CHODL: variants seen among roughly 807,000 people sequenced by gnomAD.
CHODL encodes the protein chondrolectin.
Under a neutral mutation model 34.5 loss-of-function variants are expected in CHODL, and 29 were observed. The ratio of observed to expected loss-of-function variants is 0.84; its 90% CI spans 0.63 to 1.15. CHODL has a LOEUF of 1.15. Ranked by LOEUF, CHODL falls within the 50% of genes most tolerant of loss-of-function variation. The pLI, the probability that CHODL is intolerant of heterozygous loss-of-function variation, is 0.00. For missense variants in CHODL, 332 were observed against 332.5 expected, an observed-to-expected ratio of 1.00 and a Z score of 0.01; for synonymous variants, 125 against 116.1, an observed-to-expected ratio of 1.08 and a Z score of -0.49.
chr21:18,019,984 G>A (rs73892829), intron 1 of CHODL, among the ~76,000 whole-genome samples: 4,093 of 152,120 alleles, frequency 0.027, 95 homozygotes, highest in Middle Eastern at 0.048. Flanking sequence ...CCCAAACTCC[G>A]TGAGTCCAGG....
chr21:18,194,145 C>G (rs1472145834), intron 2 of CHODL, among the ~76,000 whole-genome samples: 1 of 152,176 alleles, frequency 6.6e-6, no homozygotes, highest in Non-Finnish European at 1.5e-5. Context: ...TTCACTGTTT[C>G]CTTCTGCCTG....
intron 2 of CHODL, among the ~76,000 whole-genome samples, chr21:18,069,376 A>G (rs936080584): frequency 2.0e-5 from 3 of 152,124 alleles, no homozygotes; most frequent in Admixed American, 1.3e-4. Context: ...GTTTTTGCCT[A>G]TAAATACCAC....
chr21:17,990,195 TTATAA>T (rs1364014746), intron 1 of CHODL, among the ~76,000 whole-genome samples: 4 of 151,980 alleles, frequency 2.6e-5, no homozygotes, highest in Non-Finnish European at 5.9e-5. Context: ...TATAAAAACA[TTATAA>T]TATAAAATAA....
intron 1 of CHODL, among the ~76,000 whole-genome samples, chr21:18,016,101 T>C (rs1041218158): frequency 6.6e-6 from 1 of 152,230 alleles, no homozygotes; most frequent in Admixed American, 6.5e-5. Context: ...CCGAATATTA[T>C]TGGCCAAGAC....
At chr21:18,038,242 G>T (rs1483004116) in intron 2 of CHODL, among the ~76,000 whole-genome samples, 1 of 151,614 alleles carries the variant, frequency 6.6e-6, no homozygotes, top group Non-Finnish European at 1.5e-5. Context: ...TCCCCAAGGT[G>T]TCTTTTACGT....
At chr21:18,101,492 A>C (rs1601004657) in intron 2 of CHODL, among the ~76,000 whole-genome samples, 1 of 152,174 alleles carries the variant, frequency 6.6e-6, no homozygotes. Context: ...TCAGTTGTAG[A>C]AACTTTTTAA....
rs150196809 is a variant in CHODL, at chr21:18,049,215, G to A, written c.-45+21244G>A. On this transcript the variant is annotated intron_variant, in intron 2 of 6. Coordinates refer to the CHODL transcript ENST00000400127. ...GAATGAGGGAAGCTGCTGTGAATGC[G>A]TTACTGAAGTAGGATATTAGCCAAA... Among the ~76,000 whole-genome samples, 1,434 of 152,022 alleles carry A rather than the reference G, an allele frequency of 9.4e-3. 23 individuals are homozygous for A. Among genetic ancestry groups the A allele is most frequent in the African/African-American group, 0.032 (1,330 of 41,522 alleles).
intron 1 of CHODL, among the ~76,000 whole-genome samples, chr21:17,927,275 G>A (rs1456610123): frequency 6.6e-6 from 1 of 151,434 alleles, no homozygotes; most frequent in African/African-American, 2.4e-5. Context: ...GGAAATGAGA[G>A]GGAGTTGAAT....
intron 1 of CHODL, among the ~76,000 whole-genome samples, chr21:17,951,629 A>C (rs1424575577): frequency 1.3e-5 from 2 of 152,216 alleles, no homozygotes; most frequent in Non-Finnish European, 2.9e-5. Context: ...ATTTCAAGAG[A>C]TATTTGAATG....
chr21:18,189,603 T>C (rs1488485236), intron 2 of CHODL, among the ~76,000 whole-genome samples: 1 of 151,438 alleles, frequency 6.6e-6, no homozygotes, highest in Non-Finnish European at 1.5e-5. Flanking sequence ...CCCTATGCAC[T>C]TCAGATCAAC....
intron 1 of CHODL, among the ~76,000 whole-genome samples, chr21:17,931,527 A>G (rs1358006950): frequency 6.6e-6 from 1 of 152,262 alleles, no homozygotes; most frequent in East Asian, 1.9e-4. Context: ...GGATCGTACT[A>G]GCTTGCTAGC....
chr21:18,102,374 TTTGA>T (rs2065226437), intron 2 of CHODL, among the ~76,000 whole-genome samples: 1 of 152,156 alleles, frequency 6.6e-6, no homozygotes, highest in South Asian at 2.1e-4. Context: ...GTTAGTAAGT[TTTGA>T]TTGGATTTTA....
chr21:18,151,012 G>A lies in CHODL; in HGVS notation c.-44-105497G>A, dbSNP rs1163687274. Among the ~76,000 whole-genome samples the A allele has an allele frequency of 3.4e-5, 5 of 148,590 alleles. No individual in the cohort carries two copies. The East Asian group carries it at 1.0e-3, about 31-fold the overall frequency. Reference sequence around the variant, plus strand: ...GGCAGCAAATTGCTTGAACCTGGGAGATGGAGCTTGCAGTGAGCCGAGATC... The same window carrying A: ...GGCAGCAAATTGCTTGAACCTGGGAAATGGAGCTTGCAGTGAGCCGAGATC... On this transcript the variant is annotated intron_variant, in intron 2 of 6. Coordinates refer to the CHODL transcript ENST00000400127.
rs201003258 is a variant in CHODL, at chr21:17,946,121, GAA to G, written c.-145+28725_-145+28726del. Among the ~76,000 whole-genome samples, 58 of 152,244 alleles carry G rather than the reference GAA, an allele frequency of 3.8e-4. 1 individual carries two copies. In the East Asian group the frequency reaches 9.3e-3, roughly 24 times the overall value. ...TAATAACAAATTAGAAAAGGTAATA[GAA>G]AAAGAGATTCTAGGTTGGGCGCGGT... is the stretch of plus-strand genomic sequence containing the variant. On this transcript the variant is annotated intron_variant, in intron 1 of 6. Coordinates refer to the CHODL transcript ENST00000400127.
intron 1 of CHODL, among the ~76,000 whole-genome samples, chr21:17,990,003 C>T (rs951256940): frequency 7.2e-5 from 11 of 152,084 alleles, no homozygotes; most frequent in Admixed American, 7.2e-4. Flanking sequence ...TCCTACAGAG[C>T]TGTTTGAGGC....
chr21:18,111,383 G>T (rs73310494), intron 2 of CHODL, among the ~76,000 whole-genome samples: 29 of 152,272 alleles, frequency 1.9e-4, no homozygotes, highest in Admixed American at 1.5e-3. Context: ...GTTACCATTT[G>T]TTACTTACAT....
chr21:18,001,261 G>T (rs1021530781), intron 1 of CHODL, among the ~76,000 whole-genome samples: 2 of 152,206 alleles, frequency 1.3e-5, no homozygotes, highest in Admixed American at 1.3e-4. Context: ...AAAACCAGAA[G>T]ACATTTTCAG....
At chr21:18,208,171 C>CTTTT (rs113821427) in intron 2 of CHODL, among the ~76,000 whole-genome samples, 4 of 142,938 alleles carry the variant, frequency 2.8e-5, no homozygotes, top group African/African-American at 1.0e-4. Flanking sequence ...TCTTCTTCTT[C>CTTTT]TTTTTTTTTT....
intron 2 of CHODL, among the ~76,000 whole-genome samples, chr21:18,094,855 G>T (rs2065119543): frequency 6.6e-6 from 1 of 152,084 alleles, no homozygotes. Context: ...CAGGGGTGGT[G>T]TCTCACTCCT....
Sources: gnomAD v4.1 joint callset for allele counts (sites outside exome capture counted in the v4.1 genomes callset) on GRCh38, gnomAD v4.1.1 for gene constraint, MANE v1.5 for transcripts, NCBI Gene and HGNC (gene_info 2026-07-23, HGNC 2026-07-21) for gene names.